Variants in PRKCH observed in about 807,000 individuals in gnomAD.
PRKCH encodes protein kinase C eta.
A neutral mutation model predicts 82.5 loss-of-function variants in PRKCH; 28 were observed. The observed-to-expected ratio is 0.34, with a 90% CI of 0.25 to 0.47. The LOEUF (loss-of-function observed/expected upper bound fraction) is 0.47. PRKCH is among the 20% of genes least tolerant of loss of function. The pLI, the probability that PRKCH is intolerant of heterozygous loss-of-function variation, is 1.00. For synonymous variants in PRKCH, 322 were observed against 327.4 expected (o/e 0.98, Z 0.18); for missense variants, 705 against 881.8 (o/e 0.80, Z 2.54).
chr14:61,209,951 T>C (rs929722526), intron 1 of PRKCH, among the ~76,000 whole-genome samples: 8 of 151,372 alleles, frequency 5.3e-5, no homozygotes, highest in Non-Finnish European at 1.0e-4. Flanking sequence ...TTAAAATGCA[T>C]CTTAGGGCCA....
chr14:61,413,403 G>GC (rs1319235981), intron 2 of PRKCH, among the ~76,000 whole-genome samples: 1,381 of 40,864 alleles, frequency 0.034, 68 homozygotes, highest in African/African-American at 0.087. Context: ...CTTTTTAAGC[G>GC]CCCCCCCCCC....
intron 1 of PRKCH, among the ~76,000 whole-genome samples, chr14:61,324,104 G>A (rs898042600): frequency 2.6e-5 from 4 of 152,150 alleles, no homozygotes; most frequent in South Asian, 2.1e-4. Context: ...CCCATCATCC[G>A]TACTTTTAGG....
chr14:61,223,463 C>CA (rs1555369897), intron 1 of PRKCH, among the ~76,000 whole-genome samples: 2 of 152,176 alleles, frequency 1.3e-5, no homozygotes, highest in Non-Finnish European at 2.9e-5. Context: ...GAGCCCAGCA[C>CA]AATTTCCACT....
chr14:61,514,314 TAA>T (rs546556676), intron 10 of PRKCH, among the ~76,000 whole-genome samples: 38 of 132,096 alleles, frequency 2.9e-4, no homozygotes, highest in Non-Finnish European at 3.8e-4. Flanking sequence ...TCTTCTCCTT[TAA>T]AAAAAAAAAA....
intron 1 of PRKCH, among the ~76,000 whole-genome samples, chr14:61,250,744 C>T (rs1016625096): frequency 3.9e-5 from 6 of 151,920 alleles, no homozygotes; most frequent in Admixed American, 3.9e-4. Context: ...CTACAGACCT[C>T]GGGTACCAAT....
chr14:61,407,358 C>T (rs1163566389), intron 2 of PRKCH, among the ~76,000 whole-genome samples: 5 of 152,150 alleles, frequency 3.3e-5, no homozygotes, highest in African/African-American at 1.2e-4. Context: ...TCTAATGGTT[C>T]CTTGGGATCC....
chr14:61,400,764 A>G (rs1881565179), intron 2 of PRKCH, among the ~76,000 whole-genome samples: 1 of 152,062 alleles, frequency 6.6e-6, no homozygotes, highest in South Asian at 2.1e-4. Context: ...ATACCATGCT[A>G]TATATTATTC....
In PRKCH at chr14:61,227,507, T is replaced by C. The variant is rs534835453; in HGVS notation, c.-19+39839T>C. On this transcript the variant is annotated intron_variant, in intron 1 of 3. Transcript: ENST00000555185. ...GACTCGGGAGGCTGAGGCAGGAGAA[T>C]GGCCTGAACCTGGGAGGCAGAGCTT... Among the ~76,000 whole-genome samples, 9 of 152,234 alleles carry C rather than the reference T, an allele frequency of 5.9e-5. No individual in the cohort carries two copies. In the East Asian group the frequency reaches 1.7e-3, roughly 29 times the overall value.
In PRKCH at chr14:61,225,741, C is replaced by CTT. The variant is rs199858394; in HGVS notation, c.-19+38085_-19+38086dup. 2.7e-3 allele frequency among the ~76,000 whole-genome samples: 394 copies of CTT among 147,870 alleles called. 1 individual carries two copies. Among genetic ancestry groups the CTT allele is most frequent in the African/African-American group, 8.7e-3 (351 of 40,248 alleles). ...AGTATAAACATTCTTGGAAGATATA[C>CTT]TTTTTTTTTTTTTAACAGACAGGGT... On this transcript the variant is annotated intron_variant, in intron 1 of 3. Coordinates refer to the PRKCH transcript ENST00000555185.
chr14:61,327,047 A>G, intron 1 of PRKCH: 1 of 456,006 alleles, frequency 2.2e-6, no homozygotes. Flanking sequence ...TGCGTCATGG[A>G]AAGACCTTGG....
chr14:61,447,376 G>A (rs1436095999), intron 4 of PRKCH, among the ~76,000 whole-genome samples: 4 of 152,294 alleles, frequency 2.6e-5, no homozygotes, highest in African/African-American at 9.6e-5. Context: ...CTCAGTAATT[G>A]ATAGATCCAG....
At chr14:61,359,918 A>T (rs1408330550) in intron 1 of PRKCH, among the ~76,000 whole-genome samples, 1 of 152,218 alleles carries the variant, frequency 6.6e-6, no homozygotes, top group Non-Finnish European at 1.5e-5. Flanking sequence ...CTGTTTTAGG[A>T]TGTAGAAGTC....
intron 1 of PRKCH, among the ~76,000 whole-genome samples, chr14:61,332,910 G>C (rs975631043): frequency 6.6e-6 from 1 of 152,162 alleles, no homozygotes; most frequent in African/African-American, 2.4e-5. Flanking sequence ...GGCCCCTTGA[G>C]CTCTGTGGTC....
At chr14:61,433,535 G>C (rs1042379721) in intron 2 of PRKCH, among the ~76,000 whole-genome samples, 1 of 152,134 alleles carries the variant, frequency 6.6e-6, no homozygotes, top group African/African-American at 2.4e-5. Context: ...TTGAAGGCTG[G>C]GGTGGGGGTA....
rs375346225 is a variant in PRKCH, at chr14:61,490,222, A to G, written c.1433+4566A>G. On this transcript the variant is annotated intron_variant, in intron 10 of 13. Coordinates refer to ENST00000332981, the MANE Select transcript of PRKCH (RefSeq NM_006255.5). ...GGCCCACAGAGGAAGCTTTTGCCCCACAGAGGCTCACTGCCAACTCTGACA... is the reference window on the plus strand; with the variant it reads ...GGCCCACAGAGGAAGCTTTTGCCCCGCAGAGGCTCACTGCCAACTCTGACA... Among the ~76,000 whole-genome samples the G allele has an allele frequency of 1.1e-4, 17 of 152,242 alleles. 1 individual carries two copies. The highest frequency in any genetic ancestry group is 7.8e-4 in the Admixed American group (12 of 15,298).
intron 1 of PRKCH, among the ~76,000 whole-genome samples, chr14:61,359,911 T>G (rs1044224279): frequency 6.6e-6 from 1 of 152,212 alleles, no homozygotes; most frequent in Non-Finnish European, 1.5e-5. Flanking sequence ...GACAATGCTG[T>G]TTTAGGATGT....
rs551120328 is a variant in PRKCH, at chr14:61,424,098, G to C, written c.428-19013G>C. ...GTAAGACATATCTGCTTCCCCTTAT[G>C]CCATGATTATAAGTTTCCTGAGGCC... On this transcript the variant is annotated intron_variant, in intron 2 of 13. Coordinates refer to ENST00000332981, the MANE Select transcript of PRKCH (RefSeq NM_006255.5). Among the ~76,000 whole-genome samples the C allele has an allele frequency of 5.9e-5, 9 of 152,234 alleles. 2 individuals are homozygous for C. Among genetic ancestry groups the C allele is most frequent in the Admixed American group, 6.5e-5 (1 of 15,294 alleles).
At chr14:61,472,005 A>T (rs1594743293) in intron 9 of PRKCH, among the ~76,000 whole-genome samples, 1 of 152,200 alleles carries the variant, frequency 6.6e-6, no homozygotes, top group African/African-American at 2.4e-5. Flanking sequence ...GTAGAAAGGC[A>T]AAGTTCCTGT....
intron 10 of PRKCH, among the ~76,000 whole-genome samples, chr14:61,527,236 A>G (rs2042977955): frequency 6.6e-6 from 1 of 150,492 alleles, no homozygotes; most frequent in Non-Finnish European, 1.5e-5. Flanking sequence ...GCTCTTAGGG[A>G]TTGGAGGAGG....
Sources: gnomAD v4.1 joint callset for allele counts (sites outside exome capture counted in the v4.1 genomes callset) on GRCh38, gnomAD v4.1.1 for gene constraint, MANE v1.5 for transcripts, NCBI Gene and HGNC (gene_info 2026-07-23, HGNC 2026-07-21) for gene names.